The following ANO2 variants were observed in gnomAD, a reference collection of about 807,000 sequenced individuals.
ANO2 encodes anoctamin 2.
Under a neutral mutation model 124.2 loss-of-function variants are expected in ANO2, and 101 were observed. The observed-to-expected ratio is 0.81, with a 90% CI of 0.69 to 0.96. ANO2 has a LOEUF of 0.96. ANO2 is among the 40% of genes least tolerant of loss of function. The pLI is 0.00. For synonymous variants in ANO2, 486 were observed against 482.5 expected (o/e 1.01, Z -0.09); for missense variants, 1,293 against 1,274.5 (o/e 1.01, Z -0.22).
chr12:5,609,692 CT>C (rs11339759), intron 19 of ANO2, among the ~76,000 whole-genome samples: 32,835 of 151,566 alleles, frequency 0.22, 3,633 homozygotes, highest in African/African-American at 0.23. Flanking sequence ...ACTCCACAAT[CT>C]TTCGATAGAT....
rs138157710 is a variant in ANO2, at chr12:5,769,764, C to A, written c.1056-18794G>T. 2.8e-4 allele frequency among the ~76,000 whole-genome samples: 42 copies of A among 152,288 alleles called. 1 individual carries two copies. In the East Asian group the frequency reaches 7.3e-3, roughly 27 times the overall value. On this transcript the variant is annotated intron_variant, in intron 10 of 24. Coordinates refer to ENST00000682330, the MANE Select transcript of ANO2 (RefSeq NM_001364791.2). The surrounding 1 kb of genome is among the most constrained non-coding windows in gnomAD (Gnocchi z 4.0). ...TAGGTACTCTGCTGAATGTTTTGCACGCATGATCCCTTAGGATCCTCACAA... is the reference window on the plus strand; with the variant it reads ...TAGGTACTCTGCTGAATGTTTTGCAAGCATGATCCCTTAGGATCCTCACAA...
rs939946344 is a variant in ANO2 at position 5,904,905 on chromosome 12, C to A, written c.534+16135G>T. Among the ~76,000 whole-genome samples the A allele has an allele frequency of 1.3e-5, 2 of 152,178 alleles. No individual in the cohort carries two copies. The highest frequency in any genetic ancestry group is 4.8e-5 in the African/African-American group (2 of 41,444). Reference sequence around the variant, plus strand: ...AGGAGGGAAGACAGGATCAGCAGAACAAAGGGAACAGGGAACAAAATGATA... The same window carrying A: ...AGGAGGGAAGACAGGATCAGCAGAAAAAAGGGAACAGGGAACAAAATGATA... On this transcript the variant is annotated intron_variant, in intron 3 of 24. Coordinates refer to ENST00000682330, the MANE Select transcript of ANO2 (RefSeq NM_001364791.2). The surrounding 1 kb of genome is among the most constrained non-coding windows in gnomAD (Gnocchi z 4.1).
intron 14 of ANO2, among the ~76,000 whole-genome samples, chr12:5,713,935 T>C (rs1362582642): frequency 6.6e-6 from 1 of 152,156 alleles, no homozygotes; most frequent in Non-Finnish European, 1.5e-5. Context: ...TCCCTCTATC[T>C]GCCAGGTCTC....
intron 10 of ANO2, among the ~76,000 whole-genome samples, chr12:5,793,489 T>C (rs959522158): frequency 1.3e-5 from 2 of 152,122 alleles, no homozygotes; most frequent in African/African-American, 4.8e-5. Context: ...CACAAACATA[T>C]AGCTTGTCAT....
chr12:5,866,627 GAGA>G (rs1430789297), intron 3 of ANO2, among the ~76,000 whole-genome samples: 13 of 152,240 alleles, frequency 8.5e-5, no homozygotes, highest in African/African-American at 2.9e-4. Context: ...CGGCATGGAA[GAGA>G]AGAAGTGGAT....
chr12:5,782,234 G>C (rs1347985583), intron 10 of ANO2, among the ~76,000 whole-genome samples: 1 of 152,060 alleles, frequency 6.6e-6, no homozygotes, highest in East Asian at 1.9e-4. Flanking sequence ...AGACCCTACT[G>C]TCTGATATTA....
chr12:5,638,237 C>CTTTTTTTTTTTTTTTTTTTTTTTTTTT (rs35224024), intron 15 of ANO2, among the ~76,000 whole-genome samples: 1 of 124,850 alleles, frequency 8.0e-6, no homozygotes, highest in Non-Finnish European at 1.7e-5. Flanking sequence ...GTTTCTTTTC[C>CTTTTTTTTTTTTTTTTTTTTTTTTTTT]TTTTTTTTTT....
chr12:5,748,331 G>A (rs1290237264), intron 11 of ANO2, among the ~76,000 whole-genome samples: 2 of 152,164 alleles, frequency 1.3e-5, no homozygotes, highest in African/African-American at 4.8e-5. Context: ...GTCAACCTGA[G>A]GCCAGATGTC....
At chr12:5,750,725 G>A in intron 11 of ANO2, 111 bp downstream of exon 11, 1 of 1,124,036 alleles carries the variant, frequency 8.9e-7, no homozygotes, top group Non-Finnish European at 1.3e-6. Context: ...GAAGGAGAAT[G>A]ATAGAGGGTG....
chr12:5,662,203 A>G (rs1382549028), intron 14 of ANO2, among the ~76,000 whole-genome samples: 1 of 152,276 alleles, frequency 6.6e-6, no homozygotes, highest in East Asian at 1.9e-4. Flanking sequence ...TTTTCAAAGC[A>G]TCTGCTTGAC....
chr12:5,857,278 G>A (rs1244796023), intron 3 of ANO2, among the ~76,000 whole-genome samples: 4 of 152,200 alleles, frequency 2.6e-5, no homozygotes. Flanking sequence ...GAGCTTCCAA[G>A]TTAGACAGAA....
At chr12:5,736,900 C>A (rs1388381141) in intron 13 of ANO2, among the ~76,000 whole-genome samples, 1 of 152,156 alleles carries the variant, frequency 6.6e-6, no homozygotes, top group Non-Finnish European at 1.5e-5. Context: ...GCCAACCAGT[C>A]TTCAAAACCC....
At chr12:5,743,863 C>T (rs1025742980) in intron 12 of ANO2, among the ~76,000 whole-genome samples, 6 of 152,090 alleles carry the variant, frequency 3.9e-5, no homozygotes, top group African/African-American at 1.4e-4. Flanking sequence ...TACAGGTGTG[C>T]TAGGAGTTTT....
chr12:5,763,196 T>A (rs1951787897), intron 10 of ANO2, among the ~76,000 whole-genome samples: 1 of 152,030 alleles, frequency 6.6e-6, no homozygotes, highest in Non-Finnish European at 1.5e-5. Flanking sequence ...CTATAAAAAA[T>A]AACTATTAAA....
intron 10 of ANO2, among the ~76,000 whole-genome samples, chr12:5,785,901 C>T (rs145496113): frequency 4.7e-4 from 72 of 152,306 alleles, no homozygotes; most frequent in African/African-American, 1.7e-3. Context: ...TCCAGAGCTC[C>T]TTAAGTGCCT....
intron 19 of ANO2, among the ~76,000 whole-genome samples, chr12:5,611,997 G>A (rs1480192991): frequency 1.3e-5 from 2 of 152,176 alleles, no homozygotes; most frequent in Admixed American, 1.3e-4. Flanking sequence ...AAAGCCACCA[G>A]GCAATAGGAA....
rs745914759 is a variant in ANO2, at chr12:5,612,905, TC to T, written c.1981del (p.Glu661LysfsTer25). ...AACACCAGTGGCTGTACTTGCCTCT[TC>T]CATGCGGTAACCATCGAATACATAG... Reference protein sequence around the residue: ...YVYVFDGYRMEECAPGGCLME... With the variant: ...YVYVFDGYRMXECAPGGCLME... On this transcript the variant is annotated frameshift_variant, in exon 18 of 25. Coordinates refer to ENST00000682330, the MANE Select transcript of ANO2 (RefSeq NM_001364791.2). LOFTEE classifies it high-confidence loss of function. The T allele has an allele frequency of 1.2e-6, 2 of 1,613,918 alleles. No individual in the cohort carries two copies. Among genetic ancestry groups the T allele is most frequent in the East Asian group, 2.2e-5 (1 of 44,878 alleles).
chr12:5,599,040 A>C (rs888825021), intron 20 of ANO2, among the ~76,000 whole-genome samples: 1 of 152,208 alleles, frequency 6.6e-6, no homozygotes, highest in African/African-American at 2.4e-5. Flanking sequence ...ATATTCTCCA[A>C]GTCAAAATGT....
chr12:5,653,892 G>A (rs1947039116), intron 14 of ANO2, among the ~76,000 whole-genome samples: 1 of 152,188 alleles, frequency 6.6e-6, no homozygotes, highest in Non-Finnish European at 1.5e-5. Context: ...AAAGGGGGAT[G>A]AGGGTATTCC....
Sources: allele counts gnomAD v4.1 joint callset (sites outside exome capture counted in the v4.1 genomes callset), GRCh38; gene constraint gnomAD v4.1.1; non-coding constraint Gnocchi (gnomAD v3.1); transcripts MANE v1.5; gene names NCBI Gene and HGNC (gene_info 2026-07-23, HGNC 2026-07-21).